DAB1: variants seen among roughly 807,000 people sequenced by gnomAD.
DAB1 encodes the protein DAB adaptor protein 1, also known as disabled homolog 1.
In DAB1, 15 loss-of-function variants were observed where a neutral mutation model predicts 64.6. The ratio of observed to expected loss-of-function variants is 0.23; its 90% CI spans 0.16 to 0.36. The LOEUF is 0.36. DAB1 is among the 10% of genes least tolerant of loss of function. The pLI is 1.00. For missense variants in DAB1, 596 were observed against 706.7 expected, an observed-to-expected ratio of 0.84 and a Z score of 1.78; for synonymous variants, 235 against 251.9, an observed-to-expected ratio of 0.93 and a Z score of 0.64.
At chr1:57,085,394 G>C (rs887781959) in intron 4 of DAB1, among the ~76,000 whole-genome samples, 1 of 152,210 alleles carries the variant, frequency 6.6e-6, no homozygotes, top group African/African-American at 2.4e-5. Flanking sequence ...AAGCTAGGCT[G>C]TCTGCATCAA....
chr1:57,870,770 G>A (rs1210379457), intron 1 of DAB1, among the ~76,000 whole-genome samples: 1 of 152,122 alleles, frequency 6.6e-6, no homozygotes. Context: ...ATGGGGAACA[G>A]AAAAGGACAC....
chr1:57,074,987 C>T (rs1398352937), intron 4 of DAB1, among the ~76,000 whole-genome samples: 3 of 152,148 alleles, frequency 2.0e-5, no homozygotes, highest in Admixed American at 1.3e-4. Flanking sequence ...GATTTATAGG[C>T]TTTTGTGCGC....
chr1:57,620,597 G>A (rs1377686260), intron 7 of DAB1, among the ~76,000 whole-genome samples: 1 of 152,202 alleles, frequency 6.6e-6, no homozygotes, highest in Non-Finnish European at 1.5e-5. Context: ...GGATTAAAGA[G>A]GGCTTTGAGA....
chr1:58,437,286 G>A (rs1334529866), intron 3 of DAB1, among the ~76,000 whole-genome samples: 3 of 152,086 alleles, frequency 2.0e-5, no homozygotes, highest in Middle Eastern at 3.2e-3. Flanking sequence ...GCCCCCAGTG[G>A]GTATTCTGAT....
intron 4 of DAB1, among the ~76,000 whole-genome samples, chr1:58,334,627 A>G (rs1217377880): frequency 1.5e-5 from 2 of 131,620 alleles, no homozygotes; most frequent in Non-Finnish European, 3.3e-5. Flanking sequence ...ATATTATATT[A>G]TATTATATCA....
chr1:57,891,404 TTGG>T (rs1644311646), intron 5 of DAB1, among the ~76,000 whole-genome samples: 1 of 152,318 alleles, frequency 6.6e-6, no homozygotes, highest in Admixed American at 6.5e-5. Context: ...TTTCACACTG[TTGG>T]TGGGAGTGTA....
At chr1:57,460,447 A>G (rs557220314) in intron 7 of DAB1, among the ~76,000 whole-genome samples, 15 of 152,330 alleles carry the variant, frequency 9.8e-5, no homozygotes, top group Admixed American at 8.5e-4. Flanking sequence ...CAGAAGACTG[A>G]ATCCTCTTGC....
At chr1:57,576,890 T>G (rs913281730) in intron 7 of DAB1, among the ~76,000 whole-genome samples, 2 of 152,218 alleles carry the variant, frequency 1.3e-5, no homozygotes, top group Non-Finnish European at 2.9e-5. Context: ...TTGCCACATG[T>G]TTGCCTTACA....
At chr1:58,517,422 TCAAC>T (rs755650276) in intron 2 of DAB1, among the ~76,000 whole-genome samples, 1 of 152,212 alleles carries the variant, frequency 6.6e-6, no homozygotes, top group African/African-American at 2.4e-5. Flanking sequence ...ACTACACCTA[TCAAC>T]ATCTTCATCA....
At chr1:58,336,118 T>C (rs1480528240) in intron 4 of DAB1, among the ~76,000 whole-genome samples, 1 of 152,234 alleles carries the variant, frequency 6.6e-6, no homozygotes, top group Non-Finnish European at 1.5e-5. Context: ...CACTGTGACA[T>C]GCACGGGATC....
chr1:58,332,144 T>C (rs530357283), intron 4 of DAB1, among the ~76,000 whole-genome samples: 1 of 152,306 alleles, frequency 6.6e-6, no homozygotes, highest in Admixed American at 6.5e-5. Context: ...TCGATGTGGC[T>C]AACTCCAGTA....
chr1:58,098,091 G>A (rs1313216962), intron 5 of DAB1, among the ~76,000 whole-genome samples: 2 of 152,088 alleles, frequency 1.3e-5, no homozygotes, highest in South Asian at 2.1e-4. Context: ...AAGAAAACAC[G>A]TTTAAGAAAA....
intron 14 of DAB1, among the ~76,000 whole-genome samples, chr1:57,008,389 G>C (rs182483907): frequency 1.3e-4 from 20 of 152,292 alleles, no homozygotes; most frequent in Non-Finnish European, 2.8e-4. Flanking sequence ...AGAGTGGGGA[G>C]CGTGCATTAA....
chr1:58,409,490 G>C (rs935687618), intron 3 of DAB1, among the ~76,000 whole-genome samples: 5 of 152,178 alleles, frequency 3.3e-5, no homozygotes, highest in African/African-American at 1.2e-4. Flanking sequence ...AAACACAGTG[G>C]GCTGTCCCAG....
intron 4 of DAB1, among the ~76,000 whole-genome samples, chr1:58,238,833 T>C (rs182605070): frequency 6.6e-6 from 1 of 152,310 alleles, no homozygotes; most frequent in East Asian, 1.9e-4. Context: ...TTGTGCTTTC[T>C]TATACTTCTG....
At chr1:58,147,171 G>A (rs1418162052) in intron 5 of DAB1, among the ~76,000 whole-genome samples, 1 of 152,070 alleles carries the variant, frequency 6.6e-6, no homozygotes, top group Non-Finnish European at 1.5e-5. Flanking sequence ...GCCGGGCATG[G>A]TAGCAGGTGC....
chr1:57,924,855 G>A (rs1465711688), intron 5 of DAB1, among the ~76,000 whole-genome samples: 2 of 151,492 alleles, frequency 1.3e-5, no homozygotes, highest in Admixed American at 6.6e-5. Context: ...GTTAATGTAA[G>A]GTTTTAAAAA....
chr1:57,296,925 C>T (rs186598116), intron 1 of DAB1, among the ~76,000 whole-genome samples: 5 of 152,296 alleles, frequency 3.3e-5, no homozygotes, highest in African/African-American at 1.2e-4. Flanking sequence ...AAACTGTCTT[C>T]GCACTTATTG....
intron 4 of DAB1, among the ~76,000 whole-genome samples, chr1:58,162,288 C>G (rs1655581002): frequency 6.6e-6 from 1 of 152,194 alleles, no homozygotes; most frequent in Non-Finnish European, 1.5e-5. Context: ...GAAGGCTGAT[C>G]CAAATAATAG....
Sources: gnomAD v4.1 joint callset for allele counts (sites outside exome capture counted in the v4.1 genomes callset) on GRCh38, gnomAD v4.1.1 for gene constraint, MANE v1.5 for transcripts, NCBI Gene and HGNC (gene_info 2026-07-23, HGNC 2026-07-21) for gene names.